The following SANBR variants were observed in gnomAD, a reference collection of about 807,000 sequenced individuals.
SANBR encodes SANT and BTB domain regulator of CSR.
A neutral mutation model predicts 101.8 loss-of-function variants in SANBR; 77 were observed. The observed-to-expected ratio is 0.76, with a 90% CI of 0.63 to 0.91. The LOEUF (loss-of-function observed/expected upper bound fraction) is 0.91, where lower values mean the gene tolerates loss of function less well. Ranked by LOEUF, SANBR falls within the 40% of genes least tolerant of loss-of-function variation. The probability of loss-of-function intolerance (pLI) is 0.00; values close to 1 mark genes in which losing one functional copy is unlikely to be tolerated. For synonymous variants in SANBR, 279 were observed against 274.7 expected (o/e 1.02, Z -0.15); for missense variants, 875 against 853.0 (o/e 1.03, Z -0.32).
At chr2:61,094,215 G>A (rs913626550) in intron 11 of SANBR, 11 of 225,792 alleles carry the variant, frequency 4.9e-5, no homozygotes, top group African/African-American at 7.0e-5. Flanking sequence ...AACTACCTCC[G>A]CAATCAAAGC....
rs1684360743 is a variant in SANBR at position 61,122,239 on chromosome 2, C to T, written c.*77C>T. 2.0e-6 allele frequency: 3 copies of T among 1,476,504 alleles called. No homozygotes were observed. Among genetic ancestry groups the T allele is most frequent in the African/African-American group, 1.4e-5 (1 of 70,474 alleles). The allele number at this position is 1,476,504 out of a possible 1,614,324, so 91.5% of individuals were successfully genotyped here. ...AAATTGCTCACTTCTTGAAGATCTT[C>T]AGAACAATGACTTCCAACTGTTTTA... On this transcript the variant is annotated 3_prime_UTR_variant, in exon 22 of 22. Transcript: ENST00000402291.
At chr2:61,115,832 CATGGT>C (rs1183881638) in intron 16 of SANBR, 142 bp from the exon 17 acceptor site, 6 of 521,506 alleles carry the variant, frequency 1.2e-5, no homozygotes, top group Non-Finnish European at 2.1e-5. Context: ...AGCTTTGCTT[CATGGT>C]ATATTTGCTT....
chr2:61,135,948 T>C (rs1165781029), intron 21 of SANBR, among the ~76,000 whole-genome samples: 1 of 152,216 alleles, frequency 6.6e-6, no homozygotes, highest in African/African-American at 2.4e-5. Context: ...ACACAGGTTC[T>C]CTAAGCATTT....
rs932659736 is a variant in SANBR at position 61,076,040 on chromosome 2, C to A, written c.432-880C>A. Among the ~76,000 whole-genome samples, 3 of 151,636 alleles carry A rather than the reference C, an allele frequency of 2.0e-5. No homozygotes were observed. The East Asian group carries it at 5.9e-4, about 30-fold the overall frequency. ...ACGGAGTCTTGCTCTGTCGCCCAGTCTGGAGTGCAGTGGAGCCATCTGGGC... is the reference window on the plus strand; with the variant it reads ...ACGGAGTCTTGCTCTGTCGCCCAGTATGGAGTGCAGTGGAGCCATCTGGGC... On this transcript the variant is annotated intron_variant, in intron 5 of 21. Transcript: ENST00000402291.
In SANBR at chr2:61,116,732, A is replaced by G. The variant is rs1055425286; in HGVS notation, c.1837-625A>G. ...CATCTTTGTGTTAAGTAGCACAGGC[A>G]TATAAGTGGGTTAATTCTAAAAAAA... On this transcript the variant is annotated intron_variant, in intron 17 of 21. Coordinates refer to ENST00000402291, the MANE Select transcript of SANBR (RefSeq NM_001129993.3). Among the ~76,000 whole-genome samples the G allele has an allele frequency of 2.0e-5, 3 of 152,080 alleles. No homozygotes were observed. In the South Asian group the frequency reaches 6.2e-4, roughly 32 times the overall value.
chr2:61,073,363 A>G, intron 4 of SANBR, 95 bp from the exon 5 acceptor site: 1 of 500,756 alleles, frequency 2.0e-6, no homozygotes, highest in Non-Finnish European at 3.6e-6. Flanking sequence ...CCATGCATTT[A>G]CAGTATTACC....
At chr2:61,120,071 G>A (rs974319169) in intron 20 of SANBR, among the ~76,000 whole-genome samples, 1 of 152,130 alleles carries the variant, frequency 6.6e-6, no homozygotes, top group African/African-American at 2.4e-5. Context: ...AAATAGTTTG[G>A]CAATTTCTTA....
Position 61,104,289 on chromosome 2 carries a change from T to C in SANBR, c.1511+291T>C, listed in dbSNP as rs535223413. Among the ~76,000 whole-genome samples the C allele has an allele frequency of 1.9e-4, 29 of 152,098 alleles. No individual in the cohort carries two copies. In the South Asian group the frequency reaches 3.9e-3, roughly 21 times the overall value. On this transcript the variant is annotated intron_variant, in intron 13 of 21. Transcript: ENST00000402291. Reference sequence around the variant, plus strand: ...CGAGGTCAGGAGATCGAGAGCATCCTGGCTAACACAGTGAAACCCCATCTC... The same window carrying C: ...CGAGGTCAGGAGATCGAGAGCATCCCGGCTAACACAGTGAAACCCCATCTC...
At chr2:61,094,187 C>G in intron 11 of SANBR, 2 of 399,328 alleles carry the variant, frequency 5.0e-6, no homozygotes, top group Non-Finnish European at 6.8e-6. Flanking sequence ...TGAGTTTCGA[C>G]AGTGCTTACA....
At chr2:61,076,028 C>G (rs1212414968) in intron 5 of SANBR, among the ~76,000 whole-genome samples, 1 of 151,632 alleles carries the variant, frequency 6.6e-6, no homozygotes, top group Non-Finnish European at 1.5e-5. Flanking sequence ...GAGTCTTGCT[C>G]TGTCGCCCAG....
chr2:61,103,993 A>G lies in SANBR; in HGVS notation c.1506A>G (p.Thr502=), dbSNP rs1683417575. The G allele has an allele frequency of 6.2e-7, 1 of 1,614,010 alleles. No individual in the cohort carries two copies. Among genetic ancestry groups the G allele is most frequent in the Non-Finnish European group, 8.5e-7 (1 of 1,179,886 alleles). The change falls in exon 13 of 22, where the codon ACA becomes ACG. Residue 502 remains threonine, a synonymous_variant. Transcript: ENST00000402291. ...TTGTTGTGCCTTTTTCAAAAGATAC[A>G]GTTAGGTGAGGGGTGGAAAAACCCA... ...DVIVVPFSKD[T]VSDVGVGLCD...
chr2:61,086,171 T>A, intron 8 of SANBR, among the ~76,000 whole-genome samples: 1 of 152,004 alleles, frequency 6.6e-6, no homozygotes, highest in South Asian at 2.1e-4. Context: ...TATTTTATTT[T>A]ATTTTTTGAG....
chr2:61,095,063 T>C (rs1682967020), intron 11 of SANBR, among the ~76,000 whole-genome samples: 1 of 152,238 alleles, frequency 6.6e-6, no homozygotes, highest in Non-Finnish European at 1.5e-5. Context: ...CAGCTACATA[T>C]GAGAGTTCTA....
chr2:61,068,595 A>G (rs983103647), intron 1 of SANBR, among the ~76,000 whole-genome samples: 11 of 152,306 alleles, frequency 7.2e-5, no homozygotes, highest in East Asian at 1.9e-4. Context: ...GCACACTGCT[A>G]GAAGTGGTAA....
chr2:61,069,144 C>T (rs1213471722), intron 2 of SANBR, among the ~76,000 whole-genome samples, 159 bp downstream of exon 2: 1 of 152,202 alleles, frequency 6.6e-6, no homozygotes, highest in Non-Finnish European at 1.5e-5. Flanking sequence ...TGACATAGTA[C>T]TAATTATAAT....
At chr2:61,086,877 A>T (rs1682460751) in intron 8 of SANBR, among the ~76,000 whole-genome samples, 1 of 152,218 alleles carries the variant, frequency 6.6e-6, no homozygotes, top group East Asian at 1.9e-4. Context: ...GAGAGGAATT[A>T]TCCAAGAGCT....
downstream of SANBR, among the ~76,000 whole-genome samples, chr2:61,124,769 G>A (rs2104980706): frequency 6.6e-6 from 1 of 151,958 alleles, no homozygotes; most frequent in African/African-American, 2.4e-5. Flanking sequence ...ACATTTAAGG[G>A]TTAAAATATT....
chr2:61,086,643 C>T (rs1460253895), intron 8 of SANBR, among the ~76,000 whole-genome samples: 3 of 152,028 alleles, frequency 2.0e-5, no homozygotes, highest in African/African-American at 7.2e-5. Flanking sequence ...AGAAATGTGA[C>T]CAAGTGGATT....
At chr2:61,095,977 C>A (rs758591447) in intron 11 of SANBR, among the ~76,000 whole-genome samples, 2 of 152,094 alleles carry the variant, frequency 1.3e-5, no homozygotes, top group Non-Finnish European at 2.9e-5. Flanking sequence ...GGTACTGCCC[C>A]CTCTTAGGAT....
Sources: allele counts gnomAD v4.1 joint callset (sites outside exome capture counted in the v4.1 genomes callset), GRCh38; gene constraint gnomAD v4.1.1; transcripts MANE v1.5; gene names NCBI Gene and HGNC (gene_info 2026-07-23, HGNC 2026-07-21).